Variants in ZFYVE28 observed in about 807,000 individuals in gnomAD.
The protein encoded by ZFYVE28 is lateral signaling target protein 2 homolog.
Under a neutral mutation model 82.1 loss-of-function variants are expected in ZFYVE28, and 40 were observed. The ratio of observed to expected loss-of-function variants is 0.49; its 90% CI spans 0.38 to 0.63. The LOEUF (loss-of-function observed/expected upper bound fraction) is 0.63. Ranked by LOEUF, ZFYVE28 falls within the 30% of genes least tolerant of loss-of-function variation. The pLI, the probability that ZFYVE28 is intolerant of heterozygous loss-of-function variation, is 0.00. For synonymous variants in ZFYVE28, 612 were observed against 546.1 expected, an observed-to-expected ratio of 1.12 and a Z score of -1.68; for missense variants, 1,321 against 1,242.1, an observed-to-expected ratio of 1.06 and a Z score of -0.96.
chr4:2,403,876 G>A (rs1460665899), intron 1 of ZFYVE28, among the ~76,000 whole-genome samples: 4 of 151,924 alleles, frequency 2.6e-5, no homozygotes, highest in Non-Finnish European at 5.9e-5. Flanking sequence ...GGCTAAGGCA[G>A]GAGAATAGCT....
At chr4:2,404,164 C>A (rs1731524999) in intron 1 of ZFYVE28, among the ~76,000 whole-genome samples, 1 of 150,266 alleles carries the variant, frequency 6.7e-6, no homozygotes, top group Admixed American at 6.6e-5. Context: ...AATAAAAATA[C>A]AAAAAAAATT....
At position 2,341,469 on chromosome 4, in the gene ZFYVE28, ACCC is replaced by A. The variant is rs757545497; in HGVS notation, c.318+6_318+8del. The A allele has an allele frequency of 6.3e-7, 1 of 1,582,242 alleles. No homozygotes were observed. Among genetic ancestry groups the A allele is most frequent in the East Asian group, 2.3e-5 (1 of 43,616 alleles). The stretch of plus-strand genomic sequence containing the variant: ...TCAGGACCTCCGAACCCGGGTGGCC[ACCC>A]GCTACCTCGGCACCGAACCACAGCT... On this transcript the variant is annotated splice_donor_region_variant and intron_variant, in intron 3 of 12. Transcript: ENST00000290974. This position sits in a 1 kb window ranked among gnomAD's most constrained non-coding sequence, Gnocchi z 4.5.
At chr4:2,359,851 T>C (rs1009667907) in intron 1 of ZFYVE28, among the ~76,000 whole-genome samples, 10 of 151,902 alleles carry the variant, frequency 6.6e-5, no homozygotes, top group African/African-American at 2.4e-4. Flanking sequence ...GTAACCCTCC[T>C]CCAAGGTAAA....
chr4:2,316,333 C>T (rs1420976180), intron 7 of ZFYVE28: 1 of 152,362 alleles, frequency 6.6e-6, no homozygotes, highest in Non-Finnish European at 1.5e-5. Flanking sequence ...TTCACCACTC[C>T]TTAAGCAACC....
intron 6 of ZFYVE28, chr4:2,330,129 G>A: frequency 3.7e-6 from 1 of 271,652 alleles, no homozygotes; most frequent in Non-Finnish European, 5.6e-6. Context: ...GATAATAGGG[G>A]GTGGAGGTGA....
chr4:2,355,183 T>C (rs1383003331), intron 1 of ZFYVE28, among the ~76,000 whole-genome samples: 3 of 110,902 alleles, frequency 2.7e-5, no homozygotes, highest in African/African-American at 1.0e-4. Flanking sequence ...CTTACAAAAG[T>C]GATGAAGTCC....
intron 1 of ZFYVE28, among the ~76,000 whole-genome samples, chr4:2,368,732 C>T (rs550360782): frequency 6.6e-6 from 1 of 152,392 alleles, no homozygotes; most frequent in South Asian, 2.1e-4. Flanking sequence ...TCGATGAACA[C>T]TTGCACTGCT....
chr4:2,417,622 A>G lies in ZFYVE28; in HGVS notation c.39+663T>C, dbSNP rs924973002. Among the ~76,000 whole-genome samples the G allele has an allele frequency of 2.6e-5, 4 of 152,020 alleles. No individual in the cohort carries two copies. The highest frequency in any genetic ancestry group is 4.4e-5 in the Non-Finnish European group (3 of 67,954). ...GGGTGGGGAAGGGACAAGGATAGGGACAAGGGAGGGGACGCGAACTGGGCC... is the reference window on the plus strand; with the variant it reads ...GGGTGGGGAAGGGACAAGGATAGGGGCAAGGGAGGGGACGCGAACTGGGCC... On this transcript the variant is annotated intron_variant, in intron 1 of 12. Coordinates refer to ENST00000290974, the MANE Select transcript of ZFYVE28 (RefSeq NM_020972.3). The surrounding 1 kb of genome is among the most constrained non-coding windows in gnomAD (Gnocchi z 4.8).
At chr4:2,271,471 G>T in intron 11 of ZFYVE28, 57 bp from the exon 12 acceptor site, 2 of 1,572,158 alleles carry the variant, frequency 1.3e-6, no homozygotes, top group Non-Finnish European at 8.7e-7. Flanking sequence ...GGGCTGGGCC[G>T]GGACCCTCAA....
chr4:2,317,641 T>G (rs1486986963), intron 7 of ZFYVE28, among the ~76,000 whole-genome samples: 1 of 148,384 alleles, frequency 6.7e-6, no homozygotes, highest in Non-Finnish European at 1.5e-5. Flanking sequence ...TGTTTGATTG[T>G]TTTTTTTTTG....
At chr4:2,273,045 C>T (rs542995374) in intron 10 of ZFYVE28, 128 bp downstream of exon 10, 20 of 749,314 alleles carry the variant, frequency 2.7e-5, no homozygotes, top group African/African-American at 2.5e-4. Context: ...ATCCTGGGGT[C>T]GACGATTGCT....
At chr4:2,328,006 C>CA (rs367802145) in intron 6 of ZFYVE28, among the ~76,000 whole-genome samples, 4 of 152,058 alleles carry the variant, frequency 2.6e-5, no homozygotes, top group Non-Finnish European at 5.9e-5. Context: ...AGAGGTTCCT[C>CA]AAAAAAACTA....
chr4:2,366,886 G>A (rs1409805937), intron 1 of ZFYVE28, among the ~76,000 whole-genome samples: 1 of 152,238 alleles, frequency 6.6e-6, no homozygotes, highest in Non-Finnish European at 1.5e-5. Flanking sequence ...AACCCCAGGT[G>A]ATAATGCTGG....
chr4:2,404,321 A>AAAAC lies in ZFYVE28; in HGVS notation c.39+13963_39+13964insGTTT, dbSNP rs1553866931. ...CGAGACTCCGCCTCAAAAAAAAAAA[A>AAAAC]AAAAAAACGCTGAAGATGGAGCTAC... On this transcript the variant is annotated intron_variant, in intron 1 of 12. Transcript: ENST00000290974. 4.0e-5 allele frequency among the ~76,000 whole-genome samples: 6 copies of AAAAC among 150,884 alleles called. No individual in the cohort carries two copies. The South Asian group carries it at 1.3e-3, about 31-fold the overall frequency.
intron 1 of ZFYVE28, among the ~76,000 whole-genome samples, chr4:2,360,299 A>G (rs567601769): frequency 6.6e-6 from 1 of 151,978 alleles, no homozygotes; most frequent in South Asian, 2.1e-4. Flanking sequence ...ACAAGCAAAT[A>G]CCCTGCCGCT....
intron 1 of ZFYVE28, among the ~76,000 whole-genome samples, chr4:2,365,817 G>A (rs1338568705): frequency 6.6e-6 from 1 of 152,188 alleles, no homozygotes; most frequent in Non-Finnish European, 1.5e-5. Context: ...ACCACCTGCA[G>A]AATAAATTCT....
intron 8 of ZFYVE28, among the ~76,000 whole-genome samples, chr4:2,291,066 G>A (rs1040510110): frequency 1.3e-5 from 2 of 152,260 alleles, no homozygotes; most frequent in African/African-American, 4.8e-5. Context: ...ACACGAGCGG[G>A]AGGAGCTCCT....
chr4:2,274,771 A>G (rs1364575811), intron 8 of ZFYVE28, among the ~76,000 whole-genome samples: 1 of 152,212 alleles, frequency 6.6e-6, no homozygotes, highest in Non-Finnish European at 1.5e-5. Context: ...GAGACAGAAG[A>G]GGACACAGAC....
intron 8 of ZFYVE28, among the ~76,000 whole-genome samples, chr4:2,301,514 C>G (rs78559185): frequency 0.28 from 42,434 of 151,814 alleles, 7,011 homozygotes; most frequent in Non-Finnish European, 0.36. Context: ...TCAGCTGAGC[C>G]TCAGCGTCTG....
Sources: gnomAD v4.1 joint callset for allele counts (sites outside exome capture counted in the v4.1 genomes callset) on GRCh38, gnomAD v4.1.1 for gene constraint, Gnocchi (gnomAD v3.1) non-coding constraint, MANE v1.5 for transcripts, NCBI Gene and HGNC (gene_info 2026-07-23, HGNC 2026-07-21) for gene names.